The following KIAA1549L variants were observed in gnomAD, a reference collection of about 807,000 sequenced individuals.
KIAA1549L encodes the protein KIAA1549 like.
A neutral mutation model predicts 160.7 loss-of-function variants in KIAA1549L; 88 were observed. The ratio of observed to expected loss-of-function variants is 0.55; its 90% confidence interval spans 0.46 to 0.65. The LOEUF is 0.65. KIAA1549L is among the 30% of genes least tolerant of loss of function. KIAA1549L has a pLI of 0.00. For synonymous variants in KIAA1549L, 950 were observed against 976.7 expected, an observed-to-expected ratio of 0.97 and a Z score of 0.51; for missense variants, 2,258 against 2,437.5, an observed-to-expected ratio of 0.93 and a Z score of 1.55.
chr11:33,454,658 A>AT (rs889133705), intron 1 of KIAA1549L, among the ~76,000 whole-genome samples: 4 of 151,568 alleles, frequency 2.6e-5, no homozygotes, highest in Non-Finnish European at 2.9e-5. Flanking sequence ...GGTGTATTGT[A>AT]TTTTTTTTTC....
At chr11:33,385,876 G>T (rs1850163782) in intron 1 of KIAA1549L, among the ~76,000 whole-genome samples, 1 of 151,268 alleles carries the variant, frequency 6.6e-6, no homozygotes. Context: ...CAGTGCTTTG[G>T]CATATAGTAA....
chr11:33,568,281 G>C, intron 9 of KIAA1549L, 54 bp downstream of exon 9: 2 of 1,523,308 alleles, frequency 1.3e-6, no homozygotes, highest in South Asian at 1.2e-5. Flanking sequence ...TAGAGGGGGG[G>C]ATGTGCTTCC....
chr11:33,520,716 C>G (rs922778389), intron 1 of KIAA1549L, among the ~76,000 whole-genome samples: 1 of 149,760 alleles, frequency 6.7e-6, no homozygotes, highest in African/African-American at 2.5e-5. Flanking sequence ...CACACACACA[C>G]ACACACACAC....
At chr11:33,481,137 C>T (rs907354409) in intron 1 of KIAA1549L, among the ~76,000 whole-genome samples, 2 of 152,110 alleles carry the variant, frequency 1.3e-5, no homozygotes, top group African/African-American at 4.8e-5. Context: ...CTAAGTGGAC[C>T]ATTCTTCTGT....
chr11:33,579,860 A>T (rs181092737), intron 10 of KIAA1549L, among the ~76,000 whole-genome samples: 42 of 152,342 alleles, frequency 2.8e-4, no homozygotes, highest in African/African-American at 9.9e-4. Flanking sequence ...GATAAGGCCA[A>T]TGAAGGAGAA....
At position 33,543,657 on chromosome 11, in the gene KIAA1549L, T is replaced by C. The variant is rs1854117659; in HGVS notation, c.2094T>C (p.Ser698=). The part of the protein sequence containing the change: ...KKPATTDVFW[S]SLSAETGSLS... ...CAGCAACCACAGATGTTTTCTGGAG[T>C]TCTCTTTCAGCAGAAACTGGATCTC... Residue 698 remains serine, a synonymous_variant, in exon 2 of 21, where the codon AGT becomes AGC. Transcript: ENST00000658780. The C allele has an allele frequency of 6.2e-7, 1 of 1,613,880 alleles. No homozygotes were observed. The highest frequency in any genetic ancestry group is 1.7e-5 in the Admixed American group (1 of 60,018).
intron 12 of KIAA1549L, among the ~76,000 whole-genome samples, chr11:33,598,550 T>C (rs973622189): frequency 2.6e-5 from 4 of 151,708 alleles, no homozygotes; most frequent in Non-Finnish European, 5.9e-5. Context: ...CGGCGGGTGG[T>C]GGTTAATGAA....
chr11:33,521,784 C>G (rs867665714), intron 1 of KIAA1549L, among the ~76,000 whole-genome samples: 1 of 152,164 alleles, frequency 6.6e-6, no homozygotes, highest in South Asian at 2.1e-4. Context: ...TGTGGGCACC[C>G]CTAGTCCTGA....
At chr11:33,598,723 A>G in intron 12 of KIAA1549L, 97 bp from the exon 13 acceptor site, 1 of 1,387,290 alleles carries the variant, frequency 7.2e-7, no homozygotes, top group South Asian at 1.3e-5. Flanking sequence ...CTGGAATGAA[A>G]GGCTACAGAC....
At chr11:33,662,553 A>G (rs1311287829) in intron 20 of KIAA1549L, among the ~76,000 whole-genome samples, 2 of 152,216 alleles carry the variant, frequency 1.3e-5, no homozygotes, top group African/African-American at 4.8e-5. Context: ...TGAGCAATTC[A>G]GAGGTTATTG....
intron 17 of KIAA1549L, among the ~76,000 whole-genome samples, chr11:33,652,846 G>A (rs1185428262): frequency 1.3e-5 from 2 of 152,280 alleles, no homozygotes; most frequent in Middle Eastern, 6.8e-3. Context: ...TAAGTGAAGG[G>A]CCAAATTCAC....
At chr11:33,530,594 C>T (rs981892372) in intron 1 of KIAA1549L, among the ~76,000 whole-genome samples, 17 of 150,626 alleles carry the variant, frequency 1.1e-4, no homozygotes, top group East Asian at 5.9e-4. Context: ...AGAAAGATGC[C>T]GGGAGAAGAA....
At chr11:33,527,774 C>T (rs969491282) in intron 1 of KIAA1549L, among the ~76,000 whole-genome samples, 5 of 152,004 alleles carry the variant, frequency 3.3e-5, no homozygotes, top group African/African-American at 4.8e-5. Flanking sequence ...GGGTTAAGGA[C>T]GTGAATAGAC....
chr11:33,668,545 G>C lies in KIAA1549L; in HGVS notation c.*391G>C, dbSNP rs1852564522. 1 of 246,286 alleles carries C rather than the reference G, an allele frequency of 4.1e-6. No homozygotes were observed. Among genetic ancestry groups the C allele is most frequent in the Non-Finnish European group, 8.0e-6 (1 of 124,982 alleles). 15.3% of individuals were successfully genotyped at this position (246,286 alleles called of 1,614,324 possible). The stretch of plus-strand genomic sequence containing the variant: ...CTCTTATCTTCGGTGACCTCTGCAT[G>C]TTAACTCTGTTTCTGTGTTAAAGGC... On this transcript the variant is annotated 3_prime_UTR_variant, in exon 21 of 21. Transcript: ENST00000658780.
chr11:33,379,771 T>C (rs1850036585), intron 1 of KIAA1549L, among the ~76,000 whole-genome samples: 3 of 152,182 alleles, frequency 2.0e-5, no homozygotes. Context: ...TTAAAGCATC[T>C]AAAGTGTTTC....
At chr11:33,614,555 TATATATATATATATATATATA>T (rs1850741845) in intron 15 of KIAA1549L, among the ~76,000 whole-genome samples, 2 of 14,034 alleles carry the variant, frequency 1.4e-4, no homozygotes, top group African/African-American at 1.1e-3. Context: ...TATATATATA[TATATATATATATATATATATA>T]TATATATATT....
intron 1 of KIAA1549L, among the ~76,000 whole-genome samples, chr11:33,410,570 C>A (rs960032795): frequency 6.6e-6 from 1 of 152,234 alleles, no homozygotes; most frequent in African/African-American, 2.4e-5. Context: ...TGCTTTCCAA[C>A]ATTTTCAGTC....
chr11:33,479,695 C>A (rs909664676), intron 1 of KIAA1549L, among the ~76,000 whole-genome samples: 2 of 152,116 alleles, frequency 1.3e-5, no homozygotes, highest in Non-Finnish European at 2.9e-5. Context: ...TTGTTAAGAG[C>A]GTCACCCTAG....
rs78168188 is a variant in KIAA1549L, at chr11:33,478,577, C to A, written c.239-63225C>A. ...AAGAGCTGGTCACAGATAGGAATAG[C>A]ATTTTTTTCCATCTGATTTTTATGT... On this transcript the variant is annotated intron_variant, in intron 1 of 20. Transcript: ENST00000658780. Among the ~76,000 whole-genome samples the A allele has an allele frequency of 7.0e-3, 1,066 of 152,274 alleles. 15 individuals carry two copies. The highest frequency in any genetic ancestry group is 0.025 in the African/African-American group (1,029 of 41,544).
Sources: gnomAD v4.1 joint callset for allele counts (sites outside exome capture counted in the v4.1 genomes callset) on GRCh38, gnomAD v4.1.1 for gene constraint, MANE v1.5 for transcripts, NCBI Gene and HGNC (gene_info 2026-07-23, HGNC 2026-07-21) for gene names.